Variants in C1QTNF7 observed in about 807,000 individuals in gnomAD.
The protein encoded by C1QTNF7 is C1q and TNF related 7.
In C1QTNF7, 15 loss-of-function variants were observed where a neutral mutation model predicts 19.6. The ratio of observed to expected loss-of-function variants is 0.76; its 90% CI spans 0.51 to 1.18. C1QTNF7 has a LOEUF of 1.18. Ranked by LOEUF, C1QTNF7 falls within the 50% of genes most tolerant of loss-of-function variation. C1QTNF7 has a pLI of 0.00. For missense variants in C1QTNF7, 324 were observed against 359.7 expected (o/e 0.90, Z 0.80); for synonymous variants, 142 against 137.5 (o/e 1.03, Z -0.23).
intron 1 of C1QTNF7, among the ~76,000 whole-genome samples, chr4:15,377,658 T>A (rs1398227313): frequency 6.6e-6 from 1 of 152,192 alleles, no homozygotes; most frequent in African/African-American, 2.4e-5. Flanking sequence ...CTGGGAACTT[T>A]AGATGCCTGG....
chr4:15,365,257 A>C (rs1717473347), intron 1 of C1QTNF7, among the ~76,000 whole-genome samples: 1 of 151,758 alleles, frequency 6.6e-6, no homozygotes, highest in Non-Finnish European at 1.5e-5. Context: ...TTTTTCAGGC[A>C]GCATTAACTA....
chr4:15,412,070 T>C (rs1417416453), intron 1 of C1QTNF7, among the ~76,000 whole-genome samples: 2 of 152,042 alleles, frequency 1.3e-5, no homozygotes, highest in South Asian at 2.1e-4. Context: ...GCAAACCCCA[T>C]TGTGAACTGT....
chr4:15,440,854 G>C (rs1712731249), intron 2 of C1QTNF7, among the ~76,000 whole-genome samples: 2 of 152,128 alleles, frequency 1.3e-5, no homozygotes, highest in East Asian at 3.9e-4. Flanking sequence ...TTATGCTCCT[G>C]CTGGCCGGGC....
chr4:15,374,087 C>G (rs1717834273), intron 1 of C1QTNF7: 2 of 152,200 alleles, frequency 1.3e-5, no homozygotes, highest in Admixed American at 1.3e-4. Context: ...GATCGAGAGT[C>G]AGATCTCCAG....
intron 1 of C1QTNF7, among the ~76,000 whole-genome samples, chr4:15,428,646 GA>G (rs1712164068): frequency 6.6e-6 from 1 of 152,040 alleles, no homozygotes. Flanking sequence ...TGGCAAACAG[GA>G]AAAGCAGTTC....
In C1QTNF7 at chr4:15,356,833, A is replaced by G. The variant is rs371031754; in HGVS notation, c.13+16626A>G. 4.0e-5 allele frequency among the ~76,000 whole-genome samples: 6 copies of G among 151,606 alleles called. No individual in the cohort carries two copies. In the East Asian group the frequency reaches 1.2e-3, roughly 29 times the overall value. On this transcript the variant is annotated intron_variant, in intron 1 of 2. Coordinates refer to the C1QTNF7 transcript ENST00000295297. ...GTATCTCATTGTGGTTTTGTATTGC[A>G]TTTCTCTAATAACCAGTGATGATGA...
intron 1 of C1QTNF7, among the ~76,000 whole-genome samples, chr4:15,367,351 G>T (rs1451032507): frequency 1.3e-5 from 2 of 152,120 alleles, no homozygotes; most frequent in Admixed American, 6.5e-5. Flanking sequence ...TCATGACAAG[G>T]TTTCCACCAA....
At chr4:15,441,279 G>A (rs1712746444) in intron 2 of C1QTNF7, among the ~76,000 whole-genome samples, 2 of 152,200 alleles carry the variant, frequency 1.3e-5, no homozygotes, top group South Asian at 4.1e-4. Flanking sequence ...CTATGGCTCA[G>A]CTTCCTCATT....
chr4:15,407,102 C>T (rs1386277785), intron 1 of C1QTNF7, among the ~76,000 whole-genome samples: 1 of 152,038 alleles, frequency 6.6e-6, no homozygotes, highest in Non-Finnish European at 1.5e-5. Context: ...CCAAGCGGCT[C>T]TTAATTATTT....
At chr4:15,360,839 T>C (rs1478235122) in intron 1 of C1QTNF7, among the ~76,000 whole-genome samples, 1 of 152,142 alleles carries the variant, frequency 6.6e-6, no homozygotes, top group Non-Finnish European at 1.5e-5. Context: ...CAACGAGGAC[T>C]TTTTCTAAAA....
chr4:15,442,427 A>G lies in C1QTNF7; in HGVS notation c.498A>G (p.Ile166Met), dbSNP rs1291046639. The change falls in exon 3 of 3, where the codon ATA becomes ATG. Residue 166 changes from isoleucine to methionine, a missense_variant. By Grantham distance (10) the Ile-to-Met change is conservative. Transcript: ENST00000444304. ...TSYPEERLPI[I>M]FNKVLFNEGE... ...ACCCAGAAGAAAGACTACCTATTAT[A>G]TTTAACAAGGTCCTCTTCAACGAGG... The G allele has an allele frequency of 3.7e-6, 6 of 1,614,082 alleles. No individual in the cohort carries two copies. The African/African-American group carries it at 8.0e-5, about 22-fold the overall frequency.
At chr4:15,350,740 C>T (rs1010688694) in intron 1 of C1QTNF7, among the ~76,000 whole-genome samples, 11 of 152,210 alleles carry the variant, frequency 7.2e-5, no homozygotes, top group South Asian at 4.2e-4. Flanking sequence ...CTGTGGTTGT[C>T]CAAGCAGATG....
At chr4:15,413,249 C>T (rs1719471324) in intron 1 of C1QTNF7, among the ~76,000 whole-genome samples, 1 of 152,212 alleles carries the variant, frequency 6.6e-6, no homozygotes, top group South Asian at 2.1e-4. Flanking sequence ...CCGTGGTTAC[C>T]TATCTATGTT....
At position 15,442,264 on chromosome 4, in the gene C1QTNF7, AAGG is replaced by A; in HGVS notation, c.338_340del (p.Gly113del). 1 of 1,614,048 alleles carries A rather than the reference AAGG, an allele frequency of 6.2e-7. No homozygotes were observed. The highest frequency in any genetic ancestry group is 8.5e-7 in the Non-Finnish European group (1 of 1,180,016). On this transcript the variant is annotated inframe_deletion, in exon 3 of 3. Coordinates refer to ENST00000444304, the MANE Select transcript of C1QTNF7 (RefSeq NM_031911.5). Reference sequence around the variant, plus strand: ...GGACCCATAGGACCAGAGGGAGAGAAAGGAGAAGTAGGTCCAATTGGTCCTCCT... The same window carrying A: ...GGACCCATAGGACCAGAGGGAGAGAAAGAAGTAGGTCCAATTGGTCCTCCT...
At chr4:15,396,869 G>A (rs533422301) in intron 1 of C1QTNF7, among the ~76,000 whole-genome samples, 1 of 152,224 alleles carries the variant, frequency 6.6e-6, no homozygotes, top group East Asian at 1.9e-4. Context: ...CAACTCAGGG[G>A]GTGGCTGTCA....
At chr4:15,412,233 T>C (rs1296507340) in intron 1 of C1QTNF7, among the ~76,000 whole-genome samples, 2 of 152,190 alleles carry the variant, frequency 1.3e-5, no homozygotes, top group African/African-American at 2.4e-5. Context: ...TGTATAATTA[T>C]TTCACTATAC....
chr4:15,340,088 G>A (rs963461079), exon 1 of C1QTNF7: 15 of 1,309,626 alleles, frequency 1.1e-5, no homozygotes, highest in East Asian at 5.0e-5. Context: ...GAGTAGCTTC[G>A]AATAATAAAC....
chr4:15,393,475 T>C (rs1718662247), intron 1 of C1QTNF7, among the ~76,000 whole-genome samples: 1 of 152,194 alleles, frequency 6.6e-6, no homozygotes, highest in South Asian at 2.1e-4. Context: ...TTCTCAACCC[T>C]GCCCTTTCTC....
At chr4:15,412,505 C>G (rs1379313475) in intron 1 of C1QTNF7, among the ~76,000 whole-genome samples, 1 of 152,172 alleles carries the variant, frequency 6.6e-6, no homozygotes, top group African/African-American at 2.4e-5. Flanking sequence ...CCACACATCA[C>G]CTTCTCTCTA....
Sources: gnomAD v4.1 joint callset for allele counts (sites outside exome capture counted in the v4.1 genomes callset) on GRCh38, gnomAD v4.1.1 for gene constraint, MANE v1.5 for transcripts, NCBI Gene and HGNC (gene_info 2026-07-23, HGNC 2026-07-21) for gene names.